The following HYDIN variants were observed in gnomAD, a reference collection of about 807,000 sequenced individuals.
The protein encoded by HYDIN is HYDIN axonemal central pair apparatus protein.
HYDIN carries 132 observed loss-of-function variants against 403.9 expected under a neutral mutation model. That is an observed-to-expected ratio of 0.33 (90% confidence interval 0.28 to 0.38). The LOEUF is 0.38. Among genes scored for constraint, HYDIN ranks in the 10% least tolerant of loss-of-function variants. The probability of loss-of-function intolerance (pLI) is 1.00; values close to 1 mark genes in which losing one functional copy is unlikely to be tolerated. For missense variants in HYDIN, 2,827 were observed against 5,009.5 expected (o/e 0.56, Z 13.15); for synonymous variants, 1,202 against 1,891.7 (o/e 0.64, Z 9.46).
Position 70,970,604 on chromosome 16 carries a change from G to A in HYDIN, c.5535C>T (p.Ala1845=), listed in dbSNP as rs756193975. 41 of 1,378,648 alleles carry A rather than the reference G, an allele frequency of 3.0e-5. No individual in the cohort carries two copies. Among genetic ancestry groups the A allele is most frequent in the Admixed American group, 1.7e-4 (10 of 58,938 alleles). The allele number at this position is 1,378,648 out of a possible 1,614,324, so 85.4% of individuals were successfully genotyped here. A position where few individuals can be genotyped will look rare whatever the true frequency, so the allele number is the denominator to read the frequency against. The part of the protein sequence containing the change: ...PLLLCAPGDE[A]EVIVKNPCNF... ...TGCAGGGATTCTTCACTATCACCTC[G>A]GCCTCGTCTCCAGGTGCACAAAGTA... The change falls in exon 36 of 86, where the codon GCC becomes GCT. Residue 1845 remains alanine (A), a synonymous_variant. Transcript: ENST00000393567.
chr16:71,025,979 C>T (rs2080680103), intron 20 of HYDIN, among the ~76,000 whole-genome samples: 1 of 150,708 alleles, frequency 6.6e-6, no homozygotes, highest in Admixed American at 6.6e-5. Flanking sequence ...CAGCTCACTG[C>T]AACCTCTGCC....
At chr16:70,855,710 TCTGA>T (rs2038979748) in intron 72 of HYDIN, among the ~76,000 whole-genome samples, 1 of 152,294 alleles carries the variant, frequency 6.6e-6, no homozygotes, top group South Asian at 2.1e-4. Flanking sequence ...TGCCCAGGGC[TCTGA>T]CTAATACATT....
chr16:70,943,998 A>C (rs2143891634), intron 41 of HYDIN, 49 bp from the exon 42 acceptor site: 1,324 of 1,365,100 alleles, frequency 9.7e-4, no homozygotes, highest in Non-Finnish European at 1.2e-3. Context: ...CTTGTATCTC[A>C]ACAACTCCTA....
intron 1 of HYDIN, among the ~76,000 whole-genome samples, chr16:71,204,991 A>C (rs186167774): frequency 1.3e-5 from 2 of 152,362 alleles, no homozygotes; most frequent in East Asian, 1.9e-4. Flanking sequence ...TACCAGACCA[A>C]ACAATAAAAG....
intron 10 of HYDIN, among the ~76,000 whole-genome samples, chr16:71,095,592 G>GA (rs1312149696): frequency 6.6e-6 from 1 of 151,388 alleles, no homozygotes; most frequent in Non-Finnish European, 1.5e-5. Flanking sequence ...TGAGTCTAGG[G>GA]ATCTTACCCG....
intron 15 of HYDIN, among the ~76,000 whole-genome samples, chr16:71,065,531 T>G (rs2082236108): frequency 6.6e-6 from 1 of 152,190 alleles, no homozygotes; most frequent in South Asian, 2.1e-4. Flanking sequence ...TCCTACCCTT[T>G]GCCATTGCTT....
At chr16:71,058,456 G>T (rs1384961435) in intron 18 of HYDIN, among the ~76,000 whole-genome samples, 1 of 79,776 alleles carries the variant, frequency 1.3e-5, no homozygotes, top group South Asian at 5.9e-4. Context: ...GGTGGGGGGA[G>T]GGGGGAGGGA....
chr16:70,879,474 C>A lies in HYDIN; in HGVS notation c.10380G>T (p.Lys3460Asn), dbSNP rs765634344. 1 of 1,613,832 alleles carries A rather than the reference C, an allele frequency of 6.2e-7. No homozygotes were observed. The highest frequency in any genetic ancestry group is 8.5e-7 in the Non-Finnish European group (1 of 1,179,860). ...TLDGLPSTLA[K>N]SRGLVFDIAG... ...CGATGTCAAACACGAGGCCTCGGCT[C>A]TTGGCCAGGGTGCTGTAGGGGACAG... The change falls in exon 62 of 86, where the codon AAG (lysine) becomes AAT (asparagine). Residue 3460 changes from lysine to asparagine, a missense_variant. Physicochemically the swap from Lys to Asn is moderately conservative, Grantham distance 94. Coordinates refer to ENST00000393567, the MANE Select transcript of HYDIN (RefSeq NM_001270974.2).
intron 43 of HYDIN, among the ~76,000 whole-genome samples, chr16:70,940,595 AGTG>A (rs2143877323): frequency 6.6e-6 from 1 of 152,262 alleles, no homozygotes; most frequent in East Asian, 1.9e-4. Context: ...GAAAAGGAGA[AGTG>A]GTAATTATTT....
intron 69 of HYDIN, among the ~76,000 whole-genome samples, chr16:70,861,105 T>C (rs1180845425): frequency 1.3e-5 from 2 of 151,778 alleles, no homozygotes; most frequent in Non-Finnish European, 2.9e-5. Context: ...TCCTTCTGTG[T>C]ACCTAAGTAT....
chr16:70,985,598 T>C (rs1293358111), intron 27 of HYDIN, among the ~76,000 whole-genome samples: 2 of 151,546 alleles, frequency 1.3e-5, no homozygotes, highest in Admixed American at 6.6e-5. Flanking sequence ...GAACTTGTAA[T>C]AGAGAATCTT....
At chr16:70,937,669 C>CA (rs55658404) in intron 44 of HYDIN, among the ~76,000 whole-genome samples, 44,130 of 80,620 alleles carry the variant, frequency 0.55, 13,395 homozygotes, top group Non-Finnish European at 0.72. Context: ...GAGTCTGTCT[C>CA]AAAAAAAAAA....
chr16:71,020,461 T>C (rs139469392), intron 21 of HYDIN, 144 bp from the exon 22 acceptor site: 58 of 1,195,078 alleles, frequency 4.9e-5, no homozygotes, highest in East Asian at 1.6e-4. Flanking sequence ...TATATATATA[T>C]GCATATATAT....
chr16:71,021,063 TATA>T (rs1338869888), intron 21 of HYDIN, among the ~76,000 whole-genome samples: 1 of 150,304 alleles, frequency 6.7e-6, no homozygotes, highest in Non-Finnish European at 1.5e-5. Flanking sequence ...TTTTCCCTTG[TATA>T]ATATTTTTCC....
At chr16:71,218,613 C>A (rs1301622009) in intron 1 of HYDIN, among the ~76,000 whole-genome samples, 2 of 152,174 alleles carry the variant, frequency 1.3e-5, no homozygotes, top group African/African-American at 4.8e-5. Context: ...ACAGTTTTAA[C>A]ATAACAAGCC....
intron 78 of HYDIN, among the ~76,000 whole-genome samples, chr16:70,834,980 A>ATATATATATACACACACATATATGTGTG (rs1555539572): frequency 7.8e-6 from 1 of 128,638 alleles, no homozygotes; most frequent in African/African-American, 4.2e-5. Context: ...ATGTGTGTAT[A>ATATATATATACACACACATATATGTGTG]TATATATATA....
intron 12 of HYDIN, among the ~76,000 whole-genome samples, chr16:71,084,809 G>T (rs2082886014): frequency 6.8e-6 from 1 of 146,846 alleles, no homozygotes; most frequent in East Asian, 2.1e-4. Flanking sequence ...AATCATAAAA[G>T]GGTGCTAAAT....
intron 13 of HYDIN, among the ~76,000 whole-genome samples, chr16:71,074,724 A>AG (rs1436098234): frequency 4.6e-5 from 7 of 150,926 alleles, no homozygotes; most frequent in South Asian, 2.1e-4. Context: ...AAAAAAAAAA[A>AG]AAAAGAAAAG....
intron 47 of HYDIN, among the ~76,000 whole-genome samples, chr16:70,916,987 C>T (rs932585857): frequency 6.6e-6 from 1 of 151,984 alleles, no homozygotes; most frequent in African/African-American, 2.4e-5. Flanking sequence ...GCAGTGGTGT[C>T]ATCTCAACTC....
Sources: gnomAD v4.1 joint callset for allele counts (sites outside exome capture counted in the v4.1 genomes callset) on GRCh38, gnomAD v4.1.1 for gene constraint, MANE v1.5 for transcripts, NCBI Gene and HGNC (gene_info 2026-07-23, HGNC 2026-07-21) for gene names.